The following JAM2 variants were observed in gnomAD, a reference collection of about 807,000 sequenced individuals.
JAM2 encodes junctional adhesion molecule 2.
In JAM2, 17 loss-of-function variants were observed where a neutral mutation model predicts 42.0. The observed-to-expected ratio is 0.40, with a 90% CI of 0.28 to 0.61. The LOEUF (loss-of-function observed/expected upper bound fraction) is 0.61, where lower values mean the gene tolerates loss of function less well. JAM2 is among the 20% of genes least tolerant of loss of function. The probability of loss-of-function intolerance (pLI) is 0.37; values close to 1 mark genes in which losing one functional copy is unlikely to be tolerated. For missense variants in JAM2, 319 were observed against 358.3 expected (o/e 0.89, Z 0.89); for synonymous variants, 118 against 128.6 (o/e 0.92, Z 0.56).
chr21:25,694,151 G>A (rs1312264318), intron 4 of JAM2, among the ~76,000 whole-genome samples: 1 of 152,188 alleles, frequency 6.6e-6, no homozygotes, highest in African/African-American at 2.4e-5. Context: ...AAAGGTGGAG[G>A]CAATTCCTAA....
Position 25,702,222 on chromosome 21 carries a change from G to A in JAM2, c.650G>A (p.Arg217His), listed in dbSNP as rs753604532. 2.8e-5 allele frequency: 45 copies of A among 1,597,694 alleles called. No homozygotes were observed. In the Admixed American group the frequency reaches 4.8e-4, roughly 17 times the overall value. ...LDTGEYSCEARNSVGYRRCPG... is the reference protein window; with the variant it reads ...LDTGEYSCEAHNSVGYRRCPG... ...ACTGGAGAATATTCCTGTGAAGCCCGCAATTCTGTTGGATATCGCAGGTGT... is the reference window on the plus strand; with the variant it reads ...ACTGGAGAATATTCCTGTGAAGCCCACAATTCTGTTGGATATCGCAGGTGT... Residue 217 changes from arginine to histidine, a missense_variant, in exon 6 of 10, where the codon CGC becomes CAC. By Grantham distance (29) the Arg-to-His change is conservative (BLOSUM62 0). Coordinates refer to ENST00000480456, the MANE Select transcript of JAM2 (RefSeq NM_021219.4).
At chr21:25,712,550 T>C (rs1411270623) in intron 9 of JAM2, among the ~76,000 whole-genome samples, 168 bp downstream of exon 9, 3 of 152,186 alleles carry the variant, frequency 2.0e-5, no homozygotes, top group African/African-American at 7.2e-5. Context: ...CTGTACCCTG[T>C]CTAGGATGGC....
intron 1 of JAM2, among the ~76,000 whole-genome samples, chr21:25,647,610 C>A (rs549282151): frequency 1.3e-5 from 2 of 152,196 alleles, no homozygotes. Context: ...CTAACTAGAA[C>A]CACCAAAAAT....
chr21:25,691,379 T>C lies in JAM2; in HGVS notation c.241+1406T>C, dbSNP rs74920831. Among the ~76,000 whole-genome samples, 800 of 152,310 alleles carry C rather than the reference T, an allele frequency of 5.3e-3. 2 individuals are homozygous for C. The highest frequency in any genetic ancestry group is 0.017 in the African/African-American group (717 of 41,554). ...GCAACACTATTTATTTGAGCCATTGTACCTGCCTAATTTTTACATTTTTTT... is the reference window on the plus strand; with the variant it reads ...GCAACACTATTTATTTGAGCCATTGCACCTGCCTAATTTTTACATTTTTTT... On this transcript the variant is annotated intron_variant, in intron 3 of 9. Transcript: ENST00000480456.
intron 1 of JAM2, among the ~76,000 whole-genome samples, chr21:25,653,436 G>A (rs1401090538): frequency 1.3e-5 from 2 of 152,148 alleles, no homozygotes; most frequent in Non-Finnish European, 2.9e-5. Flanking sequence ...ATAAGGAACT[G>A]CCAGAAACTG....
At chr21:25,660,457 T>G (rs1243516276) in intron 1 of JAM2, among the ~76,000 whole-genome samples, 1 of 152,014 alleles carries the variant, frequency 6.6e-6, no homozygotes, top group African/African-American at 2.4e-5. Flanking sequence ...CTGTGAAATT[T>G]TATGGGACCT....
chr21:25,701,090 T>C (rs1355875177), intron 5 of JAM2, among the ~76,000 whole-genome samples: 2 of 152,146 alleles, frequency 1.3e-5, no homozygotes, highest in Admixed American at 1.3e-4. Flanking sequence ...CAACAAAGAC[T>C]CCAGTGTATG....
intron 4 of JAM2, among the ~76,000 whole-genome samples, chr21:25,696,987 G>A (rs2034050971): frequency 6.6e-6 from 1 of 150,442 alleles, no homozygotes; most frequent in Non-Finnish European, 1.5e-5. Flanking sequence ...CATCTCAGCT[G>A]AGACAACAGG....
intron 1 of JAM2, among the ~76,000 whole-genome samples, chr21:25,671,530 GA>G (rs1377798042): frequency 6.6e-6 from 1 of 151,542 alleles, no homozygotes; most frequent in Non-Finnish European, 1.5e-5. Flanking sequence ...CTTTGAGACA[GA>G]GTCTTGCTCT....
chr21:25,692,452 T>C (rs2123385365), intron 3 of JAM2: 1 of 199,726 alleles, frequency 5.0e-6, no homozygotes, highest in Non-Finnish European at 1.1e-5. Context: ...CAGAGTTGTA[T>C]TGCCAAATCT....
Position 25,646,391 on chromosome 21 carries a change from C to T in JAM2, c.67+6503C>T, listed in dbSNP as rs1175418898. 2.0e-5 allele frequency among the ~76,000 whole-genome samples: 3 copies of T among 152,052 alleles called. No individual in the cohort carries two copies. The East Asian group carries it at 5.8e-4, about 29-fold the overall frequency. On this transcript the variant is annotated intron_variant, in intron 1 of 9. Transcript: ENST00000480456. The stretch of plus-strand genomic sequence containing the variant: ...TAGCTCTTTTGGTTACTATGTATAC[C>T]TTCTTTCAATGTTATTCTCTCTCCC...
At chr21:25,684,108 T>G (rs1322254396) in intron 2 of JAM2, among the ~76,000 whole-genome samples, 160 bp downstream of exon 2, 1 of 152,158 alleles carries the variant, frequency 6.6e-6, no homozygotes. Flanking sequence ...TCAAGAACAT[T>G]TACTCCACCT....
At chr21:25,650,770 T>G (rs1173685976) in intron 1 of JAM2, among the ~76,000 whole-genome samples, 1 of 152,006 alleles carries the variant, frequency 6.6e-6, no homozygotes, top group South Asian at 2.1e-4. Context: ...CCTCTATAAG[T>G]AAAATAATGT....
chr21:25,672,131 G>A (rs1328123280), intron 1 of JAM2, among the ~76,000 whole-genome samples: 1 of 137,684 alleles, frequency 7.3e-6, no homozygotes, highest in Non-Finnish European at 1.6e-5. Context: ...TTTTTTTTTT[G>A]TTGAGGTGGG....
chr21:25,701,639 A>C (rs1163082393), intron 5 of JAM2, among the ~76,000 whole-genome samples: 1 of 152,238 alleles, frequency 6.6e-6, no homozygotes, highest in Non-Finnish European at 1.5e-5. Flanking sequence ...TCTAGAGTTG[A>C]TAGAATCGAC....
At chr21:25,690,831 C>CTT (rs1039034089) in intron 3 of JAM2, among the ~76,000 whole-genome samples, 1 of 152,002 alleles carries the variant, frequency 6.6e-6, no homozygotes, top group Non-Finnish European at 1.5e-5. Flanking sequence ...CAAGTGCTTT[C>CTT]TTTTCTTTTT....
At chr21:25,681,443 A>G (rs2033628743) in intron 1 of JAM2, among the ~76,000 whole-genome samples, 1 of 152,106 alleles carries the variant, frequency 6.6e-6, no homozygotes, top group Admixed American at 6.6e-5. Context: ...AGGTGGGGAA[A>G]AGCCCCTTAT....
In JAM2 at chr21:25,716,820, CTA is replaced by C. The variant is rs1004606187; in HGVS notation, c.*2150_*2151del. On this transcript the variant is annotated 3_prime_UTR_variant, in exon 10 of 10. Coordinates refer to ENST00000480456, the MANE Select transcript of JAM2 (RefSeq NM_021219.4). ...TGTAAGAAATCAGGCTAAATGTTAC[CTA>C]TGTTTTGGTTGGAAGATTTCTTTGG... is the stretch of plus-strand genomic sequence containing the variant. The C allele has an allele frequency of 5.9e-5, 9 of 152,274 alleles. No individual in the cohort carries two copies. The highest frequency in any genetic ancestry group is 2.1e-4 in the South Asian group (1 of 4,824). The allele number at this position is 152,274 out of a possible 1,614,324, so 9.4% of individuals were successfully genotyped here.
intron 1 of JAM2, among the ~76,000 whole-genome samples, chr21:25,667,480 A>T (rs1385793093): frequency 6.6e-6 from 1 of 152,218 alleles, no homozygotes; most frequent in African/African-American, 2.4e-5. Flanking sequence ...CATTCACATA[A>T]TTCTTATTCA....
Sources: allele counts gnomAD v4.1 joint callset (sites outside exome capture counted in the v4.1 genomes callset), GRCh38; gene constraint gnomAD v4.1.1; transcripts MANE v1.5; gene names NCBI Gene and HGNC (gene_info 2026-07-23, HGNC 2026-07-21).